The following CACNA1A variants were observed in gnomAD, a reference collection of about 807,000 sequenced individuals.
CACNA1A encodes the protein calcium voltage-gated channel subunit alpha1 A.
In CACNA1A, 57 loss-of-function variants were observed where a neutral mutation model predicts 262.4. The observed-to-expected ratio is 0.22, with a 90% CI of 0.18 to 0.27. The LOEUF (loss-of-function observed/expected upper bound fraction) is 0.27, where lower values mean the gene tolerates loss of function less well. CACNA1A is among the 10% of genes least tolerant of loss of function. The pLI, the probability that CACNA1A is intolerant of heterozygous loss-of-function variation, is 1.00. For synonymous variants in CACNA1A, 1,431 were observed against 1,419.3 expected (o/e 1.01, Z -0.18); for missense variants, 2,526 against 3,562.8 (o/e 0.71, Z 7.41).
In CACNA1A at chr19:13,214,743, C is replaced by T. The variant is rs566628584; in HGVS notation, c.5732-135G>A. ...CCCCATGGGGTCTCCAGTTCCCCAA[C>T]GGCCTGGCCCAGAGGAGGCCCTGGG... On this transcript the variant is annotated intron_variant, in intron 38 of 46. Coordinates refer to ENST00000360228, the MANE Select transcript of CACNA1A (RefSeq NM_001127222.2). The surrounding 1 kb of genome is among the most constrained non-coding windows in gnomAD (Gnocchi z 4.1). 2.0e-4 allele frequency: 136 copies of T among 690,154 alleles called. 1 individual carries two copies. The highest frequency in any genetic ancestry group is 1.3e-3 in the African/African-American group (74 of 56,358). 42.8% of individuals were successfully genotyped at this position (690,154 alleles called of 1,614,324 possible).
rs549930152 is a variant in CACNA1A, at chr19:13,301,963, T to A, written c.2173-1307A>T. 2.7e-5 allele frequency among the ~76,000 whole-genome samples: 4 copies of A among 148,130 alleles called. No individual in the cohort carries two copies. In the South Asian group the frequency reaches 8.8e-4, roughly 32 times the overall value. On this transcript the variant is annotated intron_variant, in intron 17 of 46. Transcript: ENST00000360228. ...CCATCTGCCTCAGAAACACCTAAAA[T>A]GCAGATCCTCAGGCTCCCCAAATAA...
chr19:13,210,683 G>C (rs201171243), intron 43 of CACNA1A, 31 bp from the exon 44 acceptor site: 2 of 1,553,266 alleles, frequency 1.3e-6, no homozygotes, highest in Non-Finnish European at 1.7e-6. Flanking sequence ...GGTGCACACA[G>C]AAAAAACAGA....
chr19:13,294,768 C>T (rs144155865), intron 19 of CACNA1A, among the ~76,000 whole-genome samples: 197 of 152,160 alleles, frequency 1.3e-3, no homozygotes, highest in Middle Eastern at 0.01. Flanking sequence ...GGATTACAGG[C>T]GTGAACCATC....
intron 6 of CACNA1A, among the ~76,000 whole-genome samples, chr19:13,340,184 C>T (rs1319324270): frequency 6.6e-6 from 1 of 152,048 alleles, no homozygotes; most frequent in Admixed American, 6.6e-5. Context: ...AGCCGAGGCC[C>T]TTCCATACCA....
At chr19:13,376,802 TAATATATGTTATGTGTGATATATAACAC>T (rs1166064287) in intron 3 of CACNA1A, among the ~76,000 whole-genome samples, 6 of 129,438 alleles carry the variant, frequency 4.6e-5, no homozygotes, top group African/African-American at 1.8e-4. Flanking sequence ...TATATACACA[TAATATATGTTATGTGTGATATATAACAC>T]ATGTTATATG....
chr19:13,377,055 G>A (rs2059432658), intron 3 of CACNA1A, among the ~76,000 whole-genome samples: 1 of 151,832 alleles, frequency 6.6e-6, no homozygotes, highest in Non-Finnish European at 1.5e-5. Flanking sequence ...TGACTCCCAG[G>A]TTCAAGCGAT....
At chr19:13,396,737 C>T (rs2059818135) in intron 3 of CACNA1A, among the ~76,000 whole-genome samples, 1 of 152,216 alleles carries the variant, frequency 6.6e-6, no homozygotes, top group Non-Finnish European at 1.5e-5. Flanking sequence ...TAGTCATTCC[C>T]TGTGTGCCCT....
chr19:13,267,227 T>G (rs2056884888), intron 24 of CACNA1A, among the ~76,000 whole-genome samples: 1 of 151,832 alleles, frequency 6.6e-6, no homozygotes, highest in Admixed American at 6.6e-5. Context: ...GAGAGACAGA[T>G]CGTAAGTGGC....
At chr19:13,429,531 CA>C (rs35308275) in intron 3 of CACNA1A, among the ~76,000 whole-genome samples, 10,997 of 57,196 alleles carry the variant, frequency 0.19, 343 homozygotes, top group African/African-American at 0.26. Flanking sequence ...TCAAAGCGTC[CA>C]AAAAAAAAAA....
At chr19:13,310,656 G>A (rs1381087122) in intron 12 of CACNA1A, among the ~76,000 whole-genome samples, 1 of 150,506 alleles carries the variant, frequency 6.6e-6, no homozygotes, top group Non-Finnish European at 1.5e-5. Context: ...GCTGCTGTTG[G>A]TGGACTTTGA....
chr19:13,357,733 G>A (rs992464212), intron 6 of CACNA1A, among the ~76,000 whole-genome samples: 1 of 152,212 alleles, frequency 6.6e-6, no homozygotes, highest in African/African-American at 2.4e-5. Context: ...GCTGGGTGCA[G>A]TGGCTCACAC....
intron 22 of CACNA1A, chr19:13,277,793 T>G (rs10402807): frequency 0.74 from 113,511 of 152,758 alleles, 42,915 homozygotes; most frequent in East Asian, 0.97. Context: ...GTGCTAGACA[T>G]GGGGTGGACA....
chr19:13,323,873 T>C (rs1197323188), intron 10 of CACNA1A, among the ~76,000 whole-genome samples: 2 of 152,204 alleles, frequency 1.3e-5, no homozygotes, highest in Non-Finnish European at 2.9e-5. Flanking sequence ...TTTCTCCTTA[T>C]GTTTTCTTGG....
rs747990926 is a variant in CACNA1A at position 13,223,704 on chromosome 19, C to T, written c.5731+963G>A. Among the ~76,000 whole-genome samples the T allele has an allele frequency of 3.3e-5, 5 of 152,282 alleles. No individual in the cohort carries two copies. In the South Asian group the frequency reaches 6.2e-4, roughly 19 times the overall value. ...CCCCGGGTGTCCTGTGTTCACCCCT[C>T]TGTCAGGGCCTTTGCCAGTCCTTCT... On this transcript the variant is annotated intron_variant, in intron 38 of 46. Transcript: ENST00000360228.
At chr19:13,470,014 A>G (rs1421518731) in intron 1 of CACNA1A, among the ~76,000 whole-genome samples, 1 of 152,088 alleles carries the variant, frequency 6.6e-6, no homozygotes, top group East Asian at 1.9e-4. Flanking sequence ...AATGAGATCA[A>G]CTATCTGGGC....
chr19:13,287,406 C>T (rs1373279201), intron 19 of CACNA1A, among the ~76,000 whole-genome samples: 2 of 152,116 alleles, frequency 1.3e-5, no homozygotes, highest in African/African-American at 2.4e-5. Flanking sequence ...GAAGTCATGT[C>T]CCAGATCCCT....
Position 13,207,247 on chromosome 19 carries a change from G to C in CACNA1A, c.*66C>G. On this transcript the variant is annotated 3_prime_UTR_variant, in exon 47 of 47. Transcript: ENST00000360228. The surrounding 1 kb of genome is among the most constrained non-coding windows in gnomAD (Gnocchi z 5.7). ...TGCTGGGCCCCCGCGGCCTCTGCGC[G>C]GCTCCTCGGGTGGGGTGTGTGCGTG... The C allele has an allele frequency of 2.1e-6, 3 of 1,440,988 alleles. No individual in the cohort carries two copies. The highest frequency in any genetic ancestry group is 2.7e-6 in the Non-Finnish European group (3 of 1,100,730). The allele number at this position is 1,440,988 out of a possible 1,614,324, so 89.3% of individuals were successfully genotyped here. A position where few individuals can be genotyped will look rare whatever the true frequency, so the allele number is the denominator to read the frequency against.
intron 1 of CACNA1A, among the ~76,000 whole-genome samples, chr19:13,489,469 T>G (rs1049843365): frequency 1.3e-5 from 2 of 152,166 alleles, no homozygotes; most frequent in African/African-American, 4.8e-5. Flanking sequence ...TTGTATTTTT[T>G]TGTAGAGACG....
Position 13,359,738 on chromosome 19 carries a change from G to A in CACNA1A, c.846C>T (p.Pro282=). The change falls in exon 6 of 47, where the codon CCC becomes CCT. Residue 282 remains proline (P), a synonymous_variant. Transcript: ENST00000360228. ...CGTEEPARTC[P]NGTKCQPYWE... ...AGTAGGGCTGACATTTGGTCCCATT[G>A]GGGCAGGTGCGGGCGGGCTCTTCTG... 6.4e-7 allele frequency: 1 copy of A among 1,573,422 alleles called. No homozygotes were observed. The highest frequency in any genetic ancestry group is 1.2e-5 in the South Asian group (1 of 85,686).
Sources: allele counts gnomAD v4.1 joint callset (sites outside exome capture counted in the v4.1 genomes callset), GRCh38; gene constraint gnomAD v4.1.1; non-coding constraint Gnocchi (gnomAD v3.1); transcripts MANE v1.5; gene names NCBI Gene and HGNC (gene_info 2026-07-23, HGNC 2026-07-21).